The following ERICH1 variants were observed in gnomAD, a reference collection of about 807,000 sequenced individuals.
The protein encoded by ERICH1 is glutamate-rich protein 1.
ERICH1 carries 56 observed loss-of-function variants against 39.6 expected under a neutral mutation model. That is an observed-to-expected ratio of 1.41 (90% confidence interval 1.14 to 1.77). The LOEUF is 1.77. ERICH1 is among the 40% of genes most tolerant of loss of function. ERICH1 has a pLI of 0.00. For synonymous variants in ERICH1, 313 were observed against 223.6 expected (o/e 1.40, Z -3.57); for missense variants, 826 against 575.4 (o/e 1.44, Z -4.45).
rs1254413669 is a variant in ERICH1 at position 699,273 on chromosome 8, G to T, written c.170-6661C>A. ...TATTTCCCACCTGCATGGATAACTG[G>T]CAAAATGCTACCGGGGGGAGCGCCA... On this transcript the variant is annotated intron_variant, in intron 2 of 5. Coordinates refer to ENST00000262109, the MANE Select transcript of ERICH1 (RefSeq NM_207332.3). 1.3e-5 allele frequency among the ~76,000 whole-genome samples: 2 copies of T among 152,132 alleles called. 1 individual carries two copies. The highest frequency in any genetic ancestry group is 4.8e-5 in the African/African-American group (2 of 41,418).
chr8:722,267 C>G (rs771140015), intron 1 of ERICH1, among the ~76,000 whole-genome samples: 101 of 151,280 alleles, frequency 6.7e-4, no homozygotes, highest in Non-Finnish European at 1.4e-3. Flanking sequence ...AATGACGAAG[C>G]AGGCCAAGCA....
intron 3 of ERICH1, among the ~76,000 whole-genome samples, chr8:685,365 A>G (rs1807088485): frequency 6.6e-6 from 1 of 152,220 alleles, no homozygotes; most frequent in African/African-American, 2.4e-5. Flanking sequence ...TCTTTTGTCA[A>G]GATGCCCAGA....
intron 5 of ERICH1, chr8:667,688 T>C (rs1002109046): frequency 2.0e-5 from 3 of 153,004 alleles, no homozygotes; most frequent in African/African-American, 4.8e-5. Context: ...TCCAGCCTTG[T>C]GGTCCCTGCA....
chr8:705,351 G>T (rs539947159), intron 2 of ERICH1, among the ~76,000 whole-genome samples: 1 of 152,358 alleles, frequency 6.6e-6, no homozygotes, highest in East Asian at 1.9e-4. Flanking sequence ...GTGACCCACG[G>T]TTCTTACGTT....
chr8:635,290 C>T (rs1798336877), intron 3 of ERICH1, among the ~76,000 whole-genome samples: 2 of 152,182 alleles, frequency 1.3e-5, no homozygotes, highest in Admixed American at 6.5e-5. Context: ...AGAAAACAGG[C>T]GTCTAAGTCT....
At chr8:634,183 A>AAACAAAAAACAAAC (rs1554481907) in intron 3 of ERICH1, among the ~76,000 whole-genome samples, 6 of 135,808 alleles carry the variant, frequency 4.4e-5, no homozygotes, top group African/African-American at 1.5e-4. Flanking sequence ...AAAAAAAAAA[A>AAACAAAAAACAAAC]AAACAAACAA....
intron 3 of ERICH1, among the ~76,000 whole-genome samples, chr8:684,177 A>G (rs1054746332): frequency 6.6e-6 from 1 of 152,256 alleles, no homozygotes; most frequent in Admixed American, 6.5e-5. Flanking sequence ...TAAAAGTCTT[A>G]AAATAGGGCA....
chr8:722,425 G>A (rs1490063725), intron 1 of ERICH1, among the ~76,000 whole-genome samples: 1 of 152,190 alleles, frequency 6.6e-6, no homozygotes, highest in African/African-American at 2.4e-5. Flanking sequence ...TCTCAGAAAG[G>A]ACTGCTGCCT....
chr8:692,350 A>T (rs1052409613), intron 3 of ERICH1, 128 bp downstream of exon 3: 45 of 1,317,594 alleles, frequency 3.4e-5, no homozygotes, highest in Middle Eastern at 2.0e-4. Context: ...GGTTCATTAT[A>T]CAGTGTAACA....
chr8:698,087 C>T (rs182347334), intron 2 of ERICH1, among the ~76,000 whole-genome samples: 397 of 152,280 alleles, frequency 2.6e-3, no homozygotes, highest in Non-Finnish European at 3.5e-3. Context: ...ATGCGCTCTG[C>T]GCCCGCCGCC....
chr8:634,439 C>T (rs564387808), intron 3 of ERICH1, among the ~76,000 whole-genome samples: 3 of 152,330 alleles, frequency 2.0e-5, no homozygotes, highest in South Asian at 2.1e-4. Context: ...CATAGAATTG[C>T]CACAGCATCC....
intron 3 of ERICH1, among the ~76,000 whole-genome samples, chr8:619,694 G>A (rs1238656866): frequency 1.3e-5 from 2 of 152,068 alleles, no homozygotes; most frequent in Non-Finnish European, 2.9e-5. Context: ...ACAATATATT[G>A]TTGGGTTTGT....
At chr8:689,881 G>C (rs1808518993) in intron 3 of ERICH1, among the ~76,000 whole-genome samples, 2 of 152,224 alleles carry the variant, frequency 1.3e-5, no homozygotes, top group South Asian at 4.1e-4. Flanking sequence ...ATGTAGGGCA[G>C]TGTTCCTACG....
intron 3 of ERICH1, among the ~76,000 whole-genome samples, chr8:651,460 G>A (rs1245276553): frequency 6.6e-6 from 1 of 152,236 alleles, no homozygotes; most frequent in Admixed American, 6.5e-5. Context: ...AGGGCCTTCA[G>A]AGCAAGAAAG....
intron 3 of ERICH1, chr8:656,614 G>A (rs189491445): frequency 2.1e-4 from 76 of 361,968 alleles, no homozygotes; most frequent in African/African-American, 1.6e-3. Flanking sequence ...AAATCAGCCA[G>A]GGCTTGCCCC....
intron 3 of ERICH1, among the ~76,000 whole-genome samples, chr8:638,959 C>A (rs1456253541): frequency 6.6e-6 from 1 of 152,154 alleles, no homozygotes; most frequent in South Asian, 2.1e-4. Flanking sequence ...AAACGCCTAT[C>A]TTTCCAGGTA....
chr8:617,202 C>A (rs921212451), intron 3 of ERICH1, among the ~76,000 whole-genome samples: 1 of 152,134 alleles, frequency 6.6e-6, no homozygotes, highest in African/African-American at 2.4e-5. Context: ...CCAAGAGGCA[C>A]TGACGCCTTC....
chr8:707,291 T>C (rs886290563), intron 2 of ERICH1, among the ~76,000 whole-genome samples: 6 of 147,770 alleles, frequency 4.1e-5, no homozygotes, highest in African/African-American at 1.2e-4. Context: ...CACTGCAACC[T>C]CTGCCTCCCG....
At chr8:642,491 C>G (rs1799122120) in intron 3 of ERICH1, among the ~76,000 whole-genome samples, 1 of 151,928 alleles carries the variant, frequency 6.6e-6, no homozygotes, top group Non-Finnish European at 1.5e-5. Context: ...ACTACAGGCA[C>G]CAGCCACCAC....
Sources: gnomAD v4.1 joint callset for allele counts (sites outside exome capture counted in the v4.1 genomes callset) on GRCh38, gnomAD v4.1.1 for gene constraint, MANE v1.5 for transcripts, NCBI Gene and HGNC (gene_info 2026-07-23, HGNC 2026-07-21) for gene names.